The following EPHB1 variants were observed in gnomAD, a reference collection of about 807,000 sequenced individuals.
EPHB1 encodes ephrin type-B receptor 1.
EPHB1 carries 30 observed loss-of-function variants against 94.4 expected under a neutral mutation model. The observed-to-expected ratio is 0.32, with a 90% confidence interval of 0.24 to 0.43. The LOEUF is 0.43. Among genes scored for constraint, EPHB1 ranks in the 20% least tolerant of loss-of-function variants. The pLI is 1.00. For synonymous variants in EPHB1, 522 were observed against 489.1 expected (o/e 1.07, Z -0.89); for missense variants, 1,055 against 1,308.3 (o/e 0.81, Z 2.99).
chr3:134,819,184 G>A (rs538376853), intron 1 of EPHB1, among the ~76,000 whole-genome samples: 22 of 152,320 alleles, frequency 1.4e-4, no homozygotes, highest in South Asian at 4.1e-4. Flanking sequence ...AGAAATGGAC[G>A]TTAGGTAGGC....
chr3:134,897,758 T>C (rs760444075), intron 1 of EPHB1, among the ~76,000 whole-genome samples: 1 of 152,168 alleles, frequency 6.6e-6, no homozygotes, highest in Non-Finnish European at 1.5e-5. Flanking sequence ...CCTAGGATTG[T>C]CTGTGAAAGA....
At chr3:134,944,911 T>C (rs1435923804) in intron 2 of EPHB1, among the ~76,000 whole-genome samples, 4 of 152,244 alleles carry the variant, frequency 2.6e-5, no homozygotes, top group Non-Finnish European at 5.9e-5. Flanking sequence ...TTATCTCCTA[T>C]GTCCTGTCCA....
At chr3:134,926,652 G>T (rs1167919298) in intron 2 of EPHB1, among the ~76,000 whole-genome samples, 3 of 152,200 alleles carry the variant, frequency 2.0e-5, no homozygotes, top group African/African-American at 7.2e-5. Flanking sequence ...CTGAGATGGG[G>T]CTGGAGGGTA....
intron 3 of EPHB1, among the ~76,000 whole-genome samples, chr3:135,065,553 C>T (rs1427453118): frequency 6.6e-6 from 1 of 152,136 alleles, no homozygotes; most frequent in Non-Finnish European, 1.5e-5. Context: ...CCTTTTTCCA[C>T]CCTTTAAGTT....
intron 1 of EPHB1, among the ~76,000 whole-genome samples, chr3:134,848,917 A>C (rs539075361): frequency 3.3e-5 from 5 of 152,346 alleles, no homozygotes; most frequent in African/African-American, 9.6e-5. Context: ...TCTATTTTTC[A>C]ATCCAATACA....
At chr3:135,197,105 A>C (rs1942641343) in intron 11 of EPHB1, among the ~76,000 whole-genome samples, 1 of 147,606 alleles carries the variant, frequency 6.8e-6, no homozygotes, top group African/African-American at 2.7e-5. Context: ...GAAAAAGGAA[A>C]AAAAAAAAAA....
chr3:135,196,810 T>C (rs1345702132), intron 11 of EPHB1, among the ~76,000 whole-genome samples: 1 of 152,214 alleles, frequency 6.6e-6, no homozygotes, highest in African/African-American at 2.4e-5. Flanking sequence ...GATACCATTA[T>C]GCTTCAACCA....
Position 134,941,832 on chromosome 3 carries a change from G to A in EPHB1, c.124-9539G>A, listed in dbSNP as rs1001231946. ...AGACTGCAGAGAGTCAATATGCACTGTCCAAATGTCAACAGGCACTCTAGC... is the reference window on the plus strand; with the variant it reads ...AGACTGCAGAGAGTCAATATGCACTATCCAAATGTCAACAGGCACTCTAGC... On this transcript the variant is annotated intron_variant, in intron 2 of 15. Transcript: ENST00000398015. Among the ~76,000 whole-genome samples, 8 of 147,820 alleles carry A rather than the reference G, an allele frequency of 5.4e-5. No individual in the cohort carries two copies. In the South Asian group the frequency reaches 1.7e-3, roughly 32 times the overall value.
At chr3:135,005,456 C>T (rs1483822653) in intron 3 of EPHB1, among the ~76,000 whole-genome samples, 2 of 152,250 alleles carry the variant, frequency 1.3e-5, no homozygotes, top group Non-Finnish European at 2.9e-5. Flanking sequence ...CAGAGGCAGG[C>T]AGGCCTCCTT....
intron 11 of EPHB1, among the ~76,000 whole-genome samples, chr3:135,195,580 C>T (rs369551139): frequency 4.7e-5 from 7 of 149,014 alleles, no homozygotes; most frequent in African/African-American, 7.6e-5. Context: ...TGAGAATATG[C>T]GGTGTTTGGT....
intron 5 of EPHB1, among the ~76,000 whole-genome samples, chr3:135,150,069 G>A (rs1185480414): frequency 1.3e-5 from 2 of 152,222 alleles, no homozygotes; most frequent in Admixed American, 6.5e-5. Flanking sequence ...CTGGCACAGT[G>A]TTTGGCAAAT....
chr3:134,944,227 T>C (rs1651635718), intron 2 of EPHB1, among the ~76,000 whole-genome samples: 1 of 152,242 alleles, frequency 6.6e-6, no homozygotes, highest in Admixed American at 6.5e-5. Flanking sequence ...TGTGGTCTTT[T>C]GAGACACACA....
intron 2 of EPHB1, among the ~76,000 whole-genome samples, chr3:134,940,606 G>A (rs1387291619): frequency 6.6e-6 from 1 of 152,182 alleles, no homozygotes; most frequent in Admixed American, 6.5e-5. Context: ...CTGTGCCTGG[G>A]ATGCTCCTCC....
chr3:135,005,601 A>C (rs1424961224), intron 3 of EPHB1, among the ~76,000 whole-genome samples: 1 of 152,186 alleles, frequency 6.6e-6, no homozygotes, highest in African/African-American at 2.4e-5. Context: ...TGTGCTAGCA[A>C]TCAGCGAGAC....
chr3:134,877,660 A>G (rs1345387830), intron 1 of EPHB1, among the ~76,000 whole-genome samples: 1 of 152,230 alleles, frequency 6.6e-6, no homozygotes, highest in East Asian at 1.9e-4. Context: ...GTAAGGGTTC[A>G]AAGTTGTTCC....
At chr3:135,185,997 G>T (rs1942318928) in intron 10 of EPHB1, among the ~76,000 whole-genome samples, 1 of 152,144 alleles carries the variant, frequency 6.6e-6, no homozygotes, top group Non-Finnish European at 1.5e-5. Flanking sequence ...TTCTAAGTGT[G>T]ATCAGTTATC....
At chr3:135,071,035 G>A (rs73216198) in intron 3 of EPHB1, among the ~76,000 whole-genome samples, 5,578 of 152,284 alleles carry the variant, frequency 0.037, 155 homozygotes, top group East Asian at 0.14. Context: ...TCCTCAACCT[G>A]GAAGCTTTTA....
At chr3:134,911,617 G>A (rs1201609414) in intron 1 of EPHB1, among the ~76,000 whole-genome samples, 1 of 152,154 alleles carries the variant, frequency 6.6e-6, no homozygotes, top group Non-Finnish European at 1.5e-5. Flanking sequence ...CATGAAGACT[G>A]TATGTGAGGG....
chr3:134,886,972 A>AG (rs1378924648), intron 1 of EPHB1, among the ~76,000 whole-genome samples: 1 of 152,198 alleles, frequency 6.6e-6, no homozygotes, highest in Admixed American at 6.5e-5. Context: ...AATAGGAAAA[A>AG]AAATTGGAGA....
Sources: gnomAD v4.1 joint callset for allele counts (sites outside exome capture counted in the v4.1 genomes callset) on GRCh38, gnomAD v4.1.1 for gene constraint, MANE v1.5 for transcripts, NCBI Gene and HGNC (gene_info 2026-07-23, HGNC 2026-07-21) for gene names.